Variants in ST3GAL1 observed in about 807,000 individuals in gnomAD.
ST3GAL1 encodes the protein ST3 beta-galactoside alpha-2,3-sialyltransferase 1.
Under a neutral mutation model 34.1 loss-of-function variants are expected in ST3GAL1, and 16 were observed. The ratio of observed to expected loss-of-function variants is 0.47; its 90% CI spans 0.32 to 0.71. The LOEUF (loss-of-function observed/expected upper bound fraction) is 0.71, where lower values mean the gene tolerates loss of function less well. Among genes scored for constraint, ST3GAL1 ranks in the 30% least tolerant of loss-of-function variants. The probability of loss-of-function intolerance (pLI) is 0.04; values close to 1 mark genes in which losing one functional copy is unlikely to be tolerated. For synonymous variants in ST3GAL1, 191 were observed against 184.7 expected (o/e 1.03, Z -0.28); for missense variants, 353 against 447.4 (o/e 0.79, Z 1.90).
intron 2 of ST3GAL1, among the ~76,000 whole-genome samples, chr8:133,502,775 A>G (rs1304055605): frequency 1.3e-5 from 2 of 152,224 alleles, no homozygotes; most frequent in African/African-American, 4.8e-5. Flanking sequence ...CAGAGATAGG[A>G]GTCAGACCCA....
intron 1 of ST3GAL1, among the ~76,000 whole-genome samples, chr8:133,547,105 C>G (rs915302809): frequency 1.3e-5 from 2 of 152,290 alleles, no homozygotes; most frequent in East Asian, 1.9e-4. Context: ...TTCAGGCCAC[C>G]TGCACGCACA....
At chr8:133,505,198 A>G (rs1817295856) in intron 2 of ST3GAL1, among the ~76,000 whole-genome samples, 1 of 152,178 alleles carries the variant, frequency 6.6e-6, no homozygotes, top group Non-Finnish European at 1.5e-5. Context: ...TCTTTTCTGA[A>G]CTACCTTTTT....
intron 2 of ST3GAL1, among the ~76,000 whole-genome samples, chr8:133,522,388 G>T (rs533823664): frequency 1.3e-5 from 2 of 152,252 alleles, no homozygotes; most frequent in South Asian, 4.2e-4. Context: ...TTAATTCAAA[G>T]CCCCATCACA....
chr8:133,528,533 C>T (rs988474405), intron 2 of ST3GAL1, among the ~76,000 whole-genome samples: 3 of 152,256 alleles, frequency 2.0e-5, no homozygotes, highest in East Asian at 3.8e-4. Flanking sequence ...TTTCCCTCTA[C>T]AGCCTACACT....
At chr8:133,476,173 C>T (rs1165746590) in intron 4 of ST3GAL1, 99 bp from the exon 5 acceptor site, 7 of 831,890 alleles carry the variant, frequency 8.4e-6, no homozygotes, top group East Asian at 5.5e-5. Context: ...CCGCTAAGCT[C>T]GACTTCACTC....
intron 1 of ST3GAL1, among the ~76,000 whole-genome samples, chr8:133,565,061 G>A (rs1317995486): frequency 6.6e-6 from 1 of 152,104 alleles, no homozygotes; most frequent in Non-Finnish European, 1.5e-5. Flanking sequence ...TCCAGTTCCT[G>A]GGCATCTTAC....
chr8:133,469,674 G>T lies in ST3GAL1; in HGVS notation c.307-3584C>A, dbSNP rs1439711858. ...CAGCTCTACCCTGCTGCCTGCCCAG[G>T]CAAACTCTCCTCTCCCTTAGAACAA... On this transcript the variant is annotated intron_variant, in intron 5 of 9. Coordinates refer to ENST00000522652, the MANE Select transcript of ST3GAL1 (RefSeq NM_173344.3). This position sits in a 1 kb window ranked among gnomAD's most constrained non-coding sequence, Gnocchi z 4.3. Among the ~76,000 whole-genome samples the T allele has an allele frequency of 6.6e-6, 1 of 152,200 alleles. No homozygotes were observed. The highest frequency in any genetic ancestry group is 1.5e-5 in the Non-Finnish European group (1 of 68,040).
In ST3GAL1 at chr8:133,556,974, A is replaced by G. The variant is rs1819052020; in HGVS notation, c.-581-11048T>C. ...GTGCATGCATGTGTTAGAAGGAAACATTGTGACATGGTGGAAAGGGGTATG... is the reference window on the plus strand; with the variant it reads ...GTGCATGCATGTGTTAGAAGGAAACGTTGTGACATGGTGGAAAGGGGTATG... On this transcript the variant is annotated intron_variant, in intron 1 of 9. Coordinates refer to ENST00000522652, the MANE Select transcript of ST3GAL1 (RefSeq NM_173344.3). This position sits in a 1 kb window ranked among gnomAD's most constrained non-coding sequence, Gnocchi z 8.9. 6.6e-6 allele frequency among the ~76,000 whole-genome samples: 1 copy of G among 152,150 alleles called. No homozygotes were observed. The highest frequency in any genetic ancestry group is 1.5e-5 in the Non-Finnish European group (1 of 68,040).
rs1015698220 is a variant in ST3GAL1 at position 133,557,895 on chromosome 8, A to G, written c.-581-11969T>C. On this transcript the variant is annotated intron_variant, in intron 1 of 9. Transcript: ENST00000522652. Reference sequence around the variant, plus strand: ...ACTCCAGCCTGGGCAACAGAGTGAGACTCCGTCTCAAAAAAAAAAAAAAAA... The same window carrying G: ...ACTCCAGCCTGGGCAACAGAGTGAGGCTCCGTCTCAAAAAAAAAAAAAAAA... Among the ~76,000 whole-genome samples, 8 of 128,524 alleles carry G rather than the reference A, an allele frequency of 6.2e-5. 1 individual carries two copies. The highest frequency in any genetic ancestry group is 1.7e-4 in the Admixed American group (2 of 11,946). The allele number at this position is 128,524 out of a possible 152,430, so 84.3% of individuals were successfully genotyped here. A position where few individuals can be genotyped will look rare whatever the true frequency, so the allele number is the denominator to read the frequency against.
At chr8:133,490,906 G>A (rs1231271855) in intron 3 of ST3GAL1, among the ~76,000 whole-genome samples, 2 of 152,190 alleles carry the variant, frequency 1.3e-5, no homozygotes, top group Non-Finnish European at 2.9e-5. Flanking sequence ...TGGGAAGTCC[G>A]TTTCCTTTGG....
intron 2 of ST3GAL1, among the ~76,000 whole-genome samples, chr8:133,534,065 G>A (rs1393456698): frequency 1.3e-5 from 2 of 152,108 alleles, no homozygotes; most frequent in Non-Finnish European, 2.9e-5. Flanking sequence ...AAAAAAACGG[G>A]CCCAACCCCC....
chr8:133,565,245 G>A (rs1210091139), intron 1 of ST3GAL1, among the ~76,000 whole-genome samples: 1 of 151,616 alleles, frequency 6.6e-6, no homozygotes, highest in Non-Finnish European at 1.5e-5. Context: ...GCCCTGGGGG[G>A]CTCCATCAGG....
At chr8:133,520,755 T>A (rs1419420756) in intron 2 of ST3GAL1, among the ~76,000 whole-genome samples, 1 of 148,892 alleles carries the variant, frequency 6.7e-6, no homozygotes, top group African/African-American at 2.5e-5. Context: ...AAGATGTTTA[T>A]CATGTTATTT....
chr8:133,478,734 T>G (rs1816273877), intron 3 of ST3GAL1, among the ~76,000 whole-genome samples: 1 of 152,040 alleles, frequency 6.6e-6, no homozygotes. Flanking sequence ...TCTCCTGGGG[T>G]GAGTTAGGGG....
At chr8:133,564,494 A>T (rs1007029428) in intron 1 of ST3GAL1, among the ~76,000 whole-genome samples, 6 of 145,728 alleles carry the variant, frequency 4.1e-5, no homozygotes, top group Non-Finnish European at 7.5e-5. Flanking sequence ...CTCCTTTGGC[A>T]CTTTCATGTG....
chr8:133,496,701 G>A (rs912740180), intron 3 of ST3GAL1, among the ~76,000 whole-genome samples: 1 of 152,194 alleles, frequency 6.6e-6, no homozygotes, highest in Non-Finnish European at 1.5e-5. Context: ...TTCCTAGAGC[G>A]CCTGGAGCCT....
intron 2 of ST3GAL1, among the ~76,000 whole-genome samples, chr8:133,511,189 C>T (rs187342885): frequency 1.3e-5 from 2 of 152,280 alleles, no homozygotes; most frequent in East Asian, 3.9e-4. Context: ...TTTAAAAATT[C>T]TTGTCCAGCC....
intron 3 of ST3GAL1, among the ~76,000 whole-genome samples, chr8:133,479,245 C>A (rs911382414): frequency 2.6e-5 from 4 of 151,960 alleles, no homozygotes; most frequent in African/African-American, 4.8e-5. Flanking sequence ...CTAAGGTAGG[C>A]GCCTCCCAGG....
Position 133,459,760 on chromosome 8 carries a change from T to C in ST3GAL1, c.*4A>G, listed in dbSNP as rs755120716. 6.8e-6 allele frequency: 11 copies of C among 1,608,148 alleles called. No homozygotes were observed. The South Asian group carries it at 1.2e-4, about 18-fold the overall frequency. ...AGTGCGTCCATCCTCAGCCCTTCACTGCGTCATCTCCCCTTGAAGATCCGG... is the reference window on the plus strand; with the variant it reads ...AGTGCGTCCATCCTCAGCCCTTCACCGCGTCATCTCCCCTTGAAGATCCGG... On this transcript the variant is annotated 3_prime_UTR_variant, in exon 10 of 10. Transcript: ENST00000522652. This position sits in a 1 kb window ranked among gnomAD's most constrained non-coding sequence, Gnocchi z 4.7.
Sources: gnomAD v4.1 joint callset for allele counts (sites outside exome capture counted in the v4.1 genomes callset) on GRCh38, gnomAD v4.1.1 for gene constraint, Gnocchi (gnomAD v3.1) non-coding constraint, MANE v1.5 for transcripts, NCBI Gene and HGNC (gene_info 2026-07-23, HGNC 2026-07-21) for gene names.